Variants in UBE3D observed in about 807,000 individuals in gnomAD.
UBE3D encodes ubiquitin protein ligase E3D.
In UBE3D, 48 loss-of-function variants were observed where a neutral mutation model predicts 49.6. That is an observed-to-expected ratio of 0.97 (90% CI 0.77 to 1.23). The LOEUF is 1.23. Among genes scored for constraint, UBE3D ranks in the 50% most tolerant of loss-of-function variants. The probability of loss-of-function intolerance (pLI) is 0.00; values close to 1 mark genes in which losing one functional copy is unlikely to be tolerated. For synonymous variants in UBE3D, 189 were observed against 174.2 expected (o/e 1.08, Z -0.67); for missense variants, 452 against 468.4 (o/e 0.96, Z 0.32).
chr6:82,887,864 G>T (rs561357547), downstream of UBE3D, among the ~76,000 whole-genome samples: 44 of 152,260 alleles, frequency 2.9e-4, no homozygotes, highest in African/African-American at 9.4e-4. Context: ...GTCACACAGT[G>T]ATCAACCCCA....
At chr6:83,004,991 C>A (rs538480164) in intron 8 of UBE3D, among the ~76,000 whole-genome samples, 1 of 152,092 alleles carries the variant, frequency 6.6e-6, no homozygotes, top group African/African-American at 2.4e-5. Context: ...AGAAATGGGA[C>A]TATCTCACAC....
At chr6:82,895,957 CA>C (rs763907111) in intron 9 of UBE3D, among the ~76,000 whole-genome samples, 54 of 152,226 alleles carry the variant, frequency 3.5e-4, no homozygotes, top group Admixed American at 9.2e-4. Context: ...TTAAATAATG[CA>C]AAATGGACCT....
intron 4 of UBE3D, among the ~76,000 whole-genome samples, chr6:83,041,454 G>T (rs1355140528): frequency 6.6e-6 from 1 of 152,134 alleles, no homozygotes; most frequent in Non-Finnish European, 1.5e-5. Flanking sequence ...ATATGGCCTG[G>T]TAGTATATCA....
At position 82,935,470 on chromosome 6, in the gene UBE3D, C is replaced by T. The variant is rs543788594; in HGVS notation, c.1149+21842G>A. On this transcript the variant is annotated intron_variant, in intron 9 of 9. Coordinates refer to ENST00000369747, the MANE Select transcript of UBE3D (RefSeq NM_198920.3). ...CACCAATATATGTCTAATAGAAGGT[C>T]GGAATGAGGAAATGGGGGTGGGGAT... Among the ~76,000 whole-genome samples the T allele has an allele frequency of 8.6e-5, 13 of 151,830 alleles. 1 individual carries two copies. Among genetic ancestry groups the T allele is most frequent in the East Asian group, 7.8e-4 (4 of 5,158 alleles).
intron 8 of UBE3D, among the ~76,000 whole-genome samples, chr6:82,973,743 T>C (rs370941801): frequency 3.9e-5 from 6 of 152,138 alleles, no homozygotes; most frequent in African/African-American, 1.4e-4. Context: ...CCCCAACCCC[T>C]GGACCACAGA....
intron 9 of UBE3D, among the ~76,000 whole-genome samples, chr6:82,909,420 C>A (rs554271040): frequency 6.6e-6 from 1 of 152,284 alleles, no homozygotes; most frequent in South Asian, 2.1e-4. Flanking sequence ...AGAATATATT[C>A]TCTGCTAAGC....
intron 4 of UBE3D, among the ~76,000 whole-genome samples, chr6:83,043,456 T>A (rs1782812197): frequency 6.6e-6 from 1 of 152,166 alleles, no homozygotes; most frequent in Non-Finnish European, 1.5e-5. Flanking sequence ...CATATTTAGA[T>A]AAAGGGATTT....
At chr6:83,043,859 T>C (rs1019078367) in intron 4 of UBE3D, among the ~76,000 whole-genome samples, 8 of 152,226 alleles carry the variant, frequency 5.3e-5, no homozygotes, top group African/African-American at 1.9e-4. Flanking sequence ...AAAATTGCCT[T>C]CTTCCCAAAG....
Position 83,054,128 on chromosome 6 carries a change from G to GTGTT in UBE3D, c.365+16_365+19dup. On this transcript the variant is annotated intron_variant, in intron 3 of 9. Coordinates refer to ENST00000369747, the MANE Select transcript of UBE3D (RefSeq NM_198920.3). ...CCATTGCCAGGCACAGAATTAATCA[G>GTGTT]TGTTAAATATATTCCTTACCTGTCT... 3 of 1,580,662 alleles carry GTGTT rather than the reference G, an allele frequency of 1.9e-6. No homozygotes were observed. Among genetic ancestry groups the GTGTT allele is most frequent in the Non-Finnish European group, 2.6e-6 (3 of 1,149,698 alleles).
chr6:82,881,567 A>T, the UBE3D span, among the ~76,000 whole-genome samples: 96,289 of 152,076 alleles, frequency 0.63, 32,923 homozygotes, highest in African/African-American at 0.9. Context: ...GCAGATACTA[A>T]GTTCATATGG....
chr6:82,926,490 A>G (rs1391361849), intron 9 of UBE3D, among the ~76,000 whole-genome samples: 2 of 152,102 alleles, frequency 1.3e-5, no homozygotes, highest in Non-Finnish European at 2.9e-5. Context: ...TGGTAAGAGT[A>G]TGTTAAGTTT....
At chr6:82,995,689 G>A (rs762555600) in intron 8 of UBE3D, among the ~76,000 whole-genome samples, 6 of 152,170 alleles carry the variant, frequency 3.9e-5, no homozygotes, top group Non-Finnish European at 8.8e-5. Context: ...ATAGTATCAA[G>A]TATTGTAACA....
chr6:82,890,106 G>A (rs1437268228), downstream of UBE3D, among the ~76,000 whole-genome samples: 1 of 152,066 alleles, frequency 6.6e-6, no homozygotes, highest in Non-Finnish European at 1.5e-5. Context: ...CCAGACAGAG[G>A]AGGCTAATGT....
intron 9 of UBE3D, among the ~76,000 whole-genome samples, chr6:82,930,777 A>G (rs1774083230): frequency 1.3e-5 from 2 of 152,226 alleles, no homozygotes; most frequent in Admixed American, 1.3e-4. Context: ...AACAGGAAGC[A>G]GAGCATAAAA....
chr6:82,974,783 TAA>T (rs61512311), intron 8 of UBE3D, among the ~76,000 whole-genome samples: 1 of 148,240 alleles, frequency 6.7e-6, no homozygotes, highest in Admixed American at 6.7e-5. Flanking sequence ...TAAAAGACCT[TAA>T]AAAAAAAAAA....
downstream of UBE3D, among the ~76,000 whole-genome samples, chr6:82,887,617 G>T (rs974704468): frequency 6.6e-6 from 1 of 151,298 alleles, no homozygotes; most frequent in Non-Finnish European, 1.5e-5. Flanking sequence ...GCTGAGGCAA[G>T]AGAATCACTT....
At chr6:83,033,433 C>A (rs1399689505) in intron 5 of UBE3D, among the ~76,000 whole-genome samples, 1 of 152,116 alleles carries the variant, frequency 6.6e-6, no homozygotes, top group Non-Finnish European at 1.5e-5. Context: ...AAATCTCCTG[C>A]TGAATTGTAA....
chr6:82,895,303 T>C (rs1295467368), intron 9 of UBE3D, among the ~76,000 whole-genome samples: 2 of 151,886 alleles, frequency 1.3e-5, no homozygotes, highest in African/African-American at 4.8e-5. Flanking sequence ...AGACGGAGAG[T>C]CTGTCTCAAA....
At chr6:83,004,801 A>T (rs1007280523) in intron 8 of UBE3D, among the ~76,000 whole-genome samples, 1 of 152,220 alleles carries the variant, frequency 6.6e-6, no homozygotes, top group African/African-American at 2.4e-5. Flanking sequence ...TTTTGTTTTT[A>T]ATCAACCAAA....
Sources: gnomAD v4.1 joint callset for allele counts (sites outside exome capture counted in the v4.1 genomes callset) on GRCh38, gnomAD v4.1.1 for gene constraint, MANE v1.5 for transcripts, NCBI Gene and HGNC (gene_info 2026-07-23, HGNC 2026-07-21) for gene names.